The following KIF3B variants were observed in gnomAD, a reference collection of about 807,000 sequenced individuals.
KIF3B encodes kinesin-like protein KIF3B.
In KIF3B, 38 loss-of-function variants were observed where a neutral mutation model predicts 74.3. That is an observed-to-expected ratio of 0.51 (90% confidence interval 0.39 to 0.67). The LOEUF is 0.67. Ranked by LOEUF, KIF3B falls within the 30% of genes least tolerant of loss-of-function variation. KIF3B has a pLI of 0.00. For missense variants in KIF3B, 649 were observed against 932.0 expected (o/e 0.70, Z 3.95); for synonymous variants, 326 against 342.5 (o/e 0.95, Z 0.53).
At chr20:32,286,056 G>A (rs1478412442) in intron 1 of KIF3B, among the ~76,000 whole-genome samples, 1 of 152,186 alleles carries the variant, frequency 6.6e-6, no homozygotes, top group Admixed American at 6.5e-5. Flanking sequence ...TAATCATGGT[G>A]GGTGTGGCTT....
chr20:32,286,919 A>G (rs1569187668), intron 1 of KIF3B, among the ~76,000 whole-genome samples: 2 of 152,246 alleles, frequency 1.3e-5, no homozygotes, highest in Non-Finnish European at 2.9e-5. Context: ...TTAAATTACA[A>G]AGGCAACCCC....
intron 1 of KIF3B, among the ~76,000 whole-genome samples, chr20:32,282,140 A>G (rs1485154676): frequency 6.6e-6 from 1 of 152,116 alleles, no homozygotes; most frequent in Non-Finnish European, 1.5e-5. Flanking sequence ...TTTAGAGGGC[A>G]TAGGAGTGGC....
intron 5 of KIF3B, among the ~76,000 whole-genome samples, chr20:32,318,375 C>T (rs1569205050): frequency 6.6e-6 from 1 of 151,958 alleles, no homozygotes; most frequent in East Asian, 1.9e-4. Context: ...ATGCATAGGG[C>T]TATAAAACCA....
intron 1 of KIF3B, among the ~76,000 whole-genome samples, chr20:32,289,008 C>T (rs2047679434): frequency 6.6e-6 from 1 of 152,080 alleles, no homozygotes; most frequent in Non-Finnish European, 1.5e-5. Flanking sequence ...AGATTCTGAT[C>T]CGGGGTTCTG....
chr20:32,322,571 G>A (rs1366206063), intron 5 of KIF3B, among the ~76,000 whole-genome samples: 2 of 139,586 alleles, frequency 1.4e-5, no homozygotes, highest in Non-Finnish European at 3.0e-5. Context: ...TTGCGCCATT[G>A]CACTCCAGCC....
chr20:32,334,252 G>A lies in KIF3B; in HGVS notation c.*2933G>A, dbSNP rs892979653. The A allele has an allele frequency of 2.6e-5, 4 of 152,664 alleles. No individual in the cohort carries two copies. The highest frequency in any genetic ancestry group is 9.7e-5 in the African/African-American group (4 of 41,402). The allele number at this position is 152,664 out of a possible 1,614,324, so 9.5% of individuals were successfully genotyped here. A position where few individuals can be genotyped will look rare whatever the true frequency, so the allele number is the denominator to read the frequency against. On this transcript the variant is annotated 3_prime_UTR_variant, in exon 9 of 9. Transcript: ENST00000375712. ...CAAGTCACATGTCTCTCAGACCCCTGGATTCAGAACCCAAGGCCACAAATC... is the reference window on the plus strand; with the variant it reads ...CAAGTCACATGTCTCTCAGACCCCTAGATTCAGAACCCAAGGCCACAAATC...
At chr20:32,303,562 TAA>T (rs113124237) in intron 1 of KIF3B, among the ~76,000 whole-genome samples, 2 of 138,228 alleles carry the variant, frequency 1.4e-5, no homozygotes, top group Non-Finnish European at 1.6e-5. Context: ...GAGACTCCGT[TAA>T]AAAAAAAAAA....
chr20:32,331,362 C>T lies in KIF3B; in HGVS notation c.*43C>T, dbSNP rs755930353. The T allele has an allele frequency of 3.3e-6, 5 of 1,495,320 alleles. No individual in the cohort carries two copies. Among genetic ancestry groups the T allele is most frequent in the Non-Finnish European group, 9.2e-7 (1 of 1,083,456 alleles). The allele number at this position is 1,495,320 out of a possible 1,614,324, so 92.6% of individuals were successfully genotyped here. ...CCAGGGCGGAAACAGCATTTGCCTT[C>T]TGAGAGAAGAGACTAGCAAAAAGCT... On this transcript the variant is annotated 3_prime_UTR_variant, in exon 9 of 9. Coordinates refer to ENST00000375712, the MANE Select transcript of KIF3B (RefSeq NM_004798.4).
rs1462551350 is a variant in KIF3B, at chr20:32,334,188, T to G, written c.*2869T>G. The G allele has an allele frequency of 2.0e-5, 3 of 152,570 alleles. No individual in the cohort carries two copies. Among genetic ancestry groups the G allele is most frequent in the Non-Finnish European group, 4.4e-5 (3 of 68,094 alleles). 9.5% of individuals were successfully genotyped at this position (152,570 alleles called of 1,614,324 possible). Reference sequence around the variant, plus strand: ...GTATGCAACCCCCAATAGACCCCCTTTTACTCTGATCTGGAGAATGTATCT... The same window carrying G: ...GTATGCAACCCCCAATAGACCCCCTGTTACTCTGATCTGGAGAATGTATCT... On this transcript the variant is annotated 3_prime_UTR_variant, in exon 9 of 9. Coordinates refer to ENST00000375712, the MANE Select transcript of KIF3B (RefSeq NM_004798.4).
At chr20:32,320,608 T>G (rs1371715219) in intron 5 of KIF3B, among the ~76,000 whole-genome samples, 1 of 151,760 alleles carries the variant, frequency 6.6e-6, no homozygotes, top group African/African-American at 2.4e-5. Flanking sequence ...CTTGACCTCT[T>G]GGGTTCAAGT....
intron 1 of KIF3B, among the ~76,000 whole-genome samples, chr20:32,294,427 A>T (rs1189213383): frequency 6.6e-6 from 1 of 152,202 alleles, no homozygotes; most frequent in East Asian, 1.9e-4. Flanking sequence ...CAAAGAAAAC[A>T]TTGCTTTATT....
chr20:32,331,010 TCA>T (rs1333416971), intron 8 of KIF3B, among the ~76,000 whole-genome samples: 4 of 152,212 alleles, frequency 2.6e-5, no homozygotes, highest in Non-Finnish European at 5.9e-5. Flanking sequence ...TTGCTAAGCA[TCA>T]GAGTCTCCTT....
intron 1 of KIF3B, among the ~76,000 whole-genome samples, chr20:32,301,679 T>C (rs1438223935): frequency 6.6e-6 from 1 of 152,028 alleles, no homozygotes; most frequent in Admixed American, 6.6e-5. Context: ...GCCAGGCCCA[T>C]GTTGTTTTAA....
At chr20:32,300,981 A>G (rs890536887) in intron 1 of KIF3B, among the ~76,000 whole-genome samples, 4 of 150,856 alleles carry the variant, frequency 2.7e-5, no homozygotes, top group East Asian at 1.9e-4. Flanking sequence ...TCTCGCCTCA[A>G]TCTCTCGACT....
intron 2 of KIF3B, among the ~76,000 whole-genome samples, chr20:32,314,001 C>A (rs571072137): frequency 2.6e-5 from 4 of 152,250 alleles, no homozygotes; most frequent in African/African-American, 9.6e-5. Context: ...AGCCACCGCA[C>A]CCTTATGTCC....
intron 5 of KIF3B, among the ~76,000 whole-genome samples, chr20:32,319,269 TCC>T (rs2047844776): frequency 2.0e-5 from 3 of 151,808 alleles, no homozygotes; most frequent in Non-Finnish European, 4.4e-5. Context: ...CCTCTCCACA[TCC>T]TTGTCGACAC....
rs760775232 is a variant in KIF3B at position 32,316,699 on chromosome 20, G to A, written c.1629+50G>A. 1.1e-4 allele frequency: 178 copies of A among 1,613,818 alleles called. 2 individuals carry two copies. The Admixed American group carries it at 2.8e-3, about 25-fold the overall frequency. ...GAGTTGCCTTGAGACTTGGGGAAAG[G>A]GAGAACTCTACCCTTTGGACAGACA... On this transcript the variant is annotated intron_variant, in intron 4 of 8. Transcript: ENST00000375712.
In KIF3B at chr20:32,309,736, T is replaced by G. The variant is rs566685187; in HGVS notation, c.-42T>G. On this transcript the variant is annotated 5_prime_UTR_variant, in exon 2 of 9. Transcript: ENST00000375712. ...AGGACCGTAGCATCCTGAGACATTT[T>G]GAATTGACACTTCTCAAGATTTGAC... 3.8e-6 allele frequency: 6 copies of G among 1,578,754 alleles called. No homozygotes were observed. In the African/African-American group the frequency reaches 8.1e-5, roughly 21 times the overall value.
chr20:32,308,816 C>T (rs904553240), intron 1 of KIF3B, among the ~76,000 whole-genome samples: 2 of 151,332 alleles, frequency 1.3e-5, no homozygotes, highest in East Asian at 1.9e-4. Flanking sequence ...CCCAGGTTCA[C>T]GCCATTCTCC....
Sources: gnomAD v4.1 joint callset for allele counts (sites outside exome capture counted in the v4.1 genomes callset) on GRCh38, gnomAD v4.1.1 for gene constraint, MANE v1.5 for transcripts, NCBI Gene and HGNC (gene_info 2026-07-23, HGNC 2026-07-21) for gene names.